Variants in COL10A1 observed in about 807,000 individuals in gnomAD.
COL10A1 encodes the protein collagen type X alpha 1 chain.
Under a neutral mutation model 18.2 loss-of-function variants are expected in COL10A1, and 10 were observed. That is an observed-to-expected ratio of 0.55 (90% confidence interval 0.34 to 0.93). The LOEUF is 0.93. Ranked by LOEUF, COL10A1 falls within the 40% of genes least tolerant of loss-of-function variation. The pLI, the probability that COL10A1 is intolerant of heterozygous loss-of-function variation, is 0.02. For missense variants in COL10A1, 897 were observed against 853.5 expected, an observed-to-expected ratio of 1.05 and a Z score of -0.64; for synonymous variants, 330 against 316.6, an observed-to-expected ratio of 1.04 and a Z score of -0.45.
At position 116,121,767 on chromosome 6, in the gene COL10A1, G is replaced by C; in HGVS notation, c.349C>G (p.Pro117Ala). The C allele has an allele frequency of 6.2e-7, 1 of 1,613,728 alleles. No homozygotes were observed. The highest frequency in any genetic ancestry group is 8.5e-7 in the Non-Finnish European group (1 of 1,179,912). The part of the protein sequence containing the change: ...KPGVPGLPGK[P>A]GERGPYGPKG... Reference sequence around the variant, plus strand: ...GGTCCATATGGTCCTCTCTCTCCTGGTTTTCCTGGGAGTCCTGGCACACCT... The same window carrying C: ...GGTCCATATGGTCCTCTCTCTCCTGCTTTTCCTGGGAGTCCTGGCACACCT... Residue 117 changes from proline to alanine, a missense_variant, in exon 3 of 3, where the codon CCA becomes GCA. Transcript: ENST00000651968.
At chr6:116,193,172 T>G in the COL10A1 span, among the ~76,000 whole-genome samples, 1 of 152,210 alleles carries the variant, frequency 6.6e-6, no homozygotes, top group African/African-American at 2.4e-5. Context: ...TGTAATGGCC[T>G]TTTAGTTTAT....
At chr6:116,166,835 C>T in the COL10A1 span, among the ~76,000 whole-genome samples, 2 of 152,080 alleles carry the variant, frequency 1.3e-5, no homozygotes, top group East Asian at 1.9e-4. Flanking sequence ...TATTTAAAGA[C>T]GAAAGGACTG....
chr6:116,170,283 G>C, the COL10A1 span, among the ~76,000 whole-genome samples: 4 of 152,222 alleles, frequency 2.6e-5, no homozygotes, highest in Middle Eastern at 3.4e-3. Context: ...TGATTAAGAA[G>C]ATAATTGTGG....
chr6:116,127,806 C>T (rs540931293), upstream of COL10A1, among the ~76,000 whole-genome samples: 305 of 152,248 alleles, frequency 2.0e-3, 1 homozygote, highest in South Asian at 1.2e-3. Context: ...AGTTATCACT[C>T]GTGAACGTTC....
chr6:116,202,458 T>C, the COL10A1 span, among the ~76,000 whole-genome samples: 1 of 152,020 alleles, frequency 6.6e-6, no homozygotes, highest in African/African-American at 2.4e-5. Context: ...TGATCCCATA[T>C]GTTCTTGATT....
At chr6:116,199,185 C>A in the COL10A1 span, among the ~76,000 whole-genome samples, 64,501 of 151,886 alleles carry the variant, frequency 0.42, 17,621 homozygotes, top group African/African-American at 0.78. Context: ...GAAAGACAGA[C>A]TCTCCAGTTG....
chr6:116,155,977 G>GA (rs1158115684), intron 1 of COL10A1, among the ~76,000 whole-genome samples: 1 of 152,040 alleles, frequency 6.6e-6, no homozygotes. Context: ...GAATGGGCTA[G>GA]AAAAAAATTA....
chr6:116,169,396 C>G, the COL10A1 span, among the ~76,000 whole-genome samples: 132 of 152,238 alleles, frequency 8.7e-4, 1 homozygote, highest in Middle Eastern at 3.4e-3. Context: ...ATGACTGTTA[C>G]AATATTTTGT....
intron 1 of COL10A1, 33 bp from the exon 2 acceptor site, chr6:116,125,540 A>G (rs1303032396): frequency 1.3e-6 from 2 of 1,590,924 alleles, no homozygotes. Flanking sequence ...TTTATACAGC[A>G]TTGTTATTAA....
chr6:116,191,975 G>C, the COL10A1 span, among the ~76,000 whole-genome samples: 2 of 152,040 alleles, frequency 1.3e-5, no homozygotes, highest in Non-Finnish European at 2.9e-5. Context: ...AGATGAGGTA[G>C]AAATTACGAG....
In COL10A1 at chr6:116,121,277, G is replaced by A. The variant is rs370578053; in HGVS notation, c.839C>T (p.Thr280Ile). Residue 280 changes from threonine to isoleucine, a missense_variant, in exon 3 of 3, where the codon ACA (threonine) becomes ATA (isoleucine). Transcript: ENST00000651968. ...TCCTGGAGCCCCAGGGAGACCTTTT[G>A]TTCCTGGAATCCCTGGCTGGCCTGG... ...GAPGQPGIPG[T>I]KGLPGAPGIA... 4.3e-6 allele frequency: 7 copies of A among 1,613,952 alleles called. No individual in the cohort carries two copies. The highest frequency in any genetic ancestry group is 2.2e-5 in the South Asian group (2 of 91,072).
At chr6:116,187,196 G>A in the COL10A1 span, among the ~76,000 whole-genome samples, 1 of 152,090 alleles carries the variant, frequency 6.6e-6, no homozygotes, top group Non-Finnish European at 1.5e-5. Flanking sequence ...TGTCTGCACA[G>A]AGTCCTGTGA....
chr6:116,186,786 G>C, the COL10A1 span, among the ~76,000 whole-genome samples: 1 of 151,936 alleles, frequency 6.6e-6, no homozygotes, highest in East Asian at 1.9e-4. Context: ...TTCGTATCCT[G>C]TATCATTTTT....
chr6:116,189,767 G>C, the COL10A1 span, among the ~76,000 whole-genome samples: 1 of 151,850 alleles, frequency 6.6e-6, no homozygotes, highest in South Asian at 2.1e-4. Context: ...ATAGAAGATG[G>C]ATACAAAAAT....
At chr6:116,198,309 T>C in the COL10A1 span, among the ~76,000 whole-genome samples, 16 of 152,088 alleles carry the variant, frequency 1.1e-4, no homozygotes, top group African/African-American at 2.7e-4. Flanking sequence ...ATGTGGCCAG[T>C]AAATGATGGC....
chr6:116,159,312 C>T (rs55670631), upstream of COL10A1, among the ~76,000 whole-genome samples: 342 of 152,032 alleles, frequency 2.2e-3, 1 homozygote, highest in African/African-American at 8.1e-3. Context: ...TTTCTTTTTC[C>T]ATAAAGAGAA....
intron 1 of COL10A1, among the ~76,000 whole-genome samples, chr6:116,150,106 A>G (rs937838899): frequency 1.3e-5 from 2 of 152,164 alleles, no homozygotes; most frequent in Admixed American, 1.3e-4. Context: ...CCCTGATAAA[A>G]AGTCGAGTCT....
At chr6:116,161,849 C>G (rs1168139849), upstream of COL10A1, among the ~76,000 whole-genome samples, 2 of 152,162 alleles carry the variant, frequency 1.3e-5, no homozygotes, top group Non-Finnish European at 2.9e-5. Flanking sequence ...ATTGATTCTT[C>G]CTGCCCATGA....
rs907520113 is a variant in COL10A1 at position 116,121,892 on chromosome 6, C to T, written c.224G>A (p.Gly75Asp). ...TGGTTTTCCTGGTGGTCCAGAAGGA[C>T]CTGGGTGCCCTCGAGGTCCAGCAGG... ...PGPAGPRGHPGPSGPPGKPGY... is the reference protein window; with the variant it reads ...PGPAGPRGHPDPSGPPGKPGY... The change falls in exon 3 of 3, where the codon GGT (glycine) becomes GAT (aspartate). Residue 75 changes from glycine to aspartate, a missense_variant. Physicochemically the swap from Gly to Asp is moderately conservative, Grantham distance 94. Coordinates refer to ENST00000651968, the MANE Select transcript of COL10A1 (RefSeq NM_000493.4). The T allele has an allele frequency of 1.2e-5, 19 of 1,613,822 alleles. No homozygotes were observed. The highest frequency in any genetic ancestry group is 1.7e-5 in the Admixed American group (1 of 59,996).
Sources: gnomAD v4.1 joint callset for allele counts (sites outside exome capture counted in the v4.1 genomes callset) on GRCh38, gnomAD v4.1.1 for gene constraint, MANE v1.5 for transcripts, NCBI Gene and HGNC (gene_info 2026-07-23, HGNC 2026-07-21) for gene names.